The following GMCL1 variants were observed in gnomAD, a reference collection of about 807,000 sequenced individuals.
GMCL1 encodes the protein germ cell-less protein-like 1.
GMCL1 carries 54 observed loss-of-function variants against 75.5 expected under a neutral mutation model. The observed-to-expected ratio is 0.71, with a 90% CI of 0.57 to 0.90. The LOEUF is 0.90. GMCL1 is among the 40% of genes least tolerant of loss of function. The pLI is 0.00. For missense variants in GMCL1, 537 were observed against 622.7 expected (o/e 0.86, Z 1.47); for synonymous variants, 210 against 209.6 (o/e 1.00, Z -0.02).
chr2:69,838,336 CAAAAAAAAAAAAA>C (rs71397366), intron 2 of GMCL1, among the ~76,000 whole-genome samples: 1 of 31,536 alleles, frequency 3.2e-5, no homozygotes, highest in Non-Finnish European at 6.2e-5. Context: ...GACTCTGTCT[CAAAAAAAAAAAAA>C]AAAAAAAAAA....
chr2:69,861,238 A>C (rs200648518), intron 9 of GMCL1, 40 bp from the exon 10 acceptor site: 1 of 1,306,150 alleles, frequency 7.7e-7, no homozygotes, highest in Non-Finnish European at 1.1e-6. Flanking sequence ...TATGTTCTTC[A>C]GTCGTTATTT....
At chr2:69,855,181 T>C (rs985343663) in intron 9 of GMCL1, among the ~76,000 whole-genome samples, 7 of 152,134 alleles carry the variant, frequency 4.6e-5, no homozygotes, top group African/African-American at 1.7e-4. Context: ...CTAGAATATT[T>C]AAATGATTAT....
At position 69,832,608 on chromosome 2, in the gene GMCL1, T is replaced by C. The variant is rs548531808; in HGVS notation, c.260+2456T>C. ...TTTGATAAATGTCTGAATGATATCT[T>C]ATTTTCCCTCCTTTCACTTTTTACC... is the stretch of plus-strand genomic sequence containing the variant. On this transcript the variant is annotated intron_variant, in intron 1 of 13. Coordinates refer to ENST00000282570, the MANE Select transcript of GMCL1 (RefSeq NM_178439.5). Among the ~76,000 whole-genome samples, 8 of 152,374 alleles carry C rather than the reference T, an allele frequency of 5.3e-5. No homozygotes were observed. The South Asian group carries it at 1.7e-3, about 32-fold the overall frequency.
Position 69,829,849 on chromosome 2 carries a change from A to G in GMCL1, c.-44A>G. The G allele has an allele frequency of 6.7e-7, 1 of 1,499,166 alleles. No homozygotes were observed. The allele number at this position is 1,499,166 out of a possible 1,614,324, so 92.9% of individuals were successfully genotyped here. A position where few individuals can be genotyped will look rare whatever the true frequency, so the allele number is the denominator to read the frequency against. On this transcript the variant is annotated 5_prime_UTR_variant, in exon 1 of 14. Transcript: ENST00000282570. Reference sequence around the variant, plus strand: ...GGCGGCGGCCGAGCCATGGCGGGAGACCCCCTTCTCTGGGCTCCCTGAAGT... The same window carrying G: ...GGCGGCGGCCGAGCCATGGCGGGAGGCCCCCTTCTCTGGGCTCCCTGAAGT...
In GMCL1 at chr2:69,849,692, T is replaced by G. The variant is rs1161747962; in HGVS notation, c.884T>G (p.Leu295Ter). Residue 295 changes from leucine to a stop codon, truncating the protein, a stop_gained, in exon 8 of 14, where the codon TTA becomes TGA. Transcript: ENST00000282570. LOFTEE classifies it high-confidence loss of function. The stretch of plus-strand genomic sequence containing the variant: ...CTTGTGCCTTCTTGGAATGGATCTT[T>G]AAAACAGCTTTTGACAGAAACAGAT... The part of the protein sequence containing the change: ...LQLVPSWNGS[L>*]KQLLTETDVW... 6.3e-7 allele frequency: 1 copy of G among 1,594,584 alleles called. No homozygotes were observed. Among genetic ancestry groups the G allele is most frequent in the South Asian group, 1.2e-5 (1 of 85,324 alleles).
At chr2:69,849,826 T>C in intron 8 of GMCL1, 84 bp downstream of exon 8, 3 of 707,428 alleles carry the variant, frequency 4.2e-6, no homozygotes, top group Non-Finnish European at 6.7e-6. Flanking sequence ...ATAAATAAAT[T>C]AATTAATTAA....
intron 8 of GMCL1, among the ~76,000 whole-genome samples, chr2:69,854,362 A>C (rs2103995488): frequency 6.6e-6 from 1 of 152,286 alleles, no homozygotes; most frequent in South Asian, 2.1e-4. Context: ...TTAATATATT[A>C]ACTAGTGTTC....
intron 8 of GMCL1, among the ~76,000 whole-genome samples, chr2:69,853,067 G>A (rs1489200252): frequency 6.6e-6 from 1 of 152,174 alleles, no homozygotes; most frequent in African/African-American, 2.4e-5. Context: ...AAATGAGCCA[G>A]TCTCTTCTAC....
chr2:69,852,951 C>T (rs1675361331), intron 8 of GMCL1, among the ~76,000 whole-genome samples: 1 of 152,326 alleles, frequency 6.6e-6, no homozygotes, highest in Middle Eastern at 3.4e-3. Context: ...CACAATTATA[C>T]TTAAGGATTG....
At chr2:69,863,006 T>C (rs1159665866) in intron 10 of GMCL1, among the ~76,000 whole-genome samples, 4 of 152,216 alleles carry the variant, frequency 2.6e-5, no homozygotes, top group East Asian at 3.8e-4. Context: ...CATGTCCTTA[T>C]TGAGGTAATA....
chr2:69,844,728 A>G (rs767853626), intron 6 of GMCL1: 23 of 179,804 alleles, frequency 1.3e-4, no homozygotes, highest in Admixed American at 2.6e-4. Context: ...CTGAGGCAGG[A>G]GGATTGCTTA....
chr2:69,830,169 A>AC lies in GMCL1; in HGVS notation c.260+20dup, dbSNP rs1206819912. 6.5e-7 allele frequency: 1 copy of AC among 1,546,242 alleles called. No individual in the cohort carries two copies. The highest frequency in any genetic ancestry group is 1.4e-5 in the African/African-American group (1 of 72,954). Reference sequence around the variant, plus strand: ...CCCTCGAAGGTACGTGGGGGCACGCACCCGCGCGGACCCGGACCCGCACCT... The same window carrying AC: ...CCCTCGAAGGTACGTGGGGGCACGCACCCCGCGCGGACCCGGACCCGCACCT... On this transcript the variant is annotated intron_variant, in intron 1 of 13. Transcript: ENST00000282570.
At chr2:69,869,887 C>G (rs372212180) in intron 12 of GMCL1, 23 bp downstream of exon 12, 6 of 1,600,600 alleles carry the variant, frequency 3.7e-6, no homozygotes, top group South Asian at 1.1e-5. Context: ...TTCCCCACCC[C>G]ACTCCTCCTC....
chr2:69,878,010 T>C (rs537589724), intron 13 of GMCL1, among the ~76,000 whole-genome samples: 1 of 152,370 alleles, frequency 6.6e-6, no homozygotes, highest in Non-Finnish European at 1.5e-5. Flanking sequence ...TTAGTGTTTC[T>C]TCTTTTACTC....
Position 69,847,625 on chromosome 2 carries a change from A to C in GMCL1, c.841A>C (p.Lys281Gln), listed in dbSNP as rs138771201. The C allele has an allele frequency of 7.9e-4, 1,262 of 1,588,580 alleles. 3 individuals carry two copies. The highest frequency in any genetic ancestry group is 7.5e-4 in the Non-Finnish European group (863 of 1,157,568). Residue 281 changes from lysine to glutamine, a missense_variant and splice_region_variant, in exon 7 of 14, where the codon AAG (lysine) becomes CAG (glutamine). Lys to Gln is a moderately conservative substitution (Grantham distance 53). Coordinates refer to ENST00000282570, the MANE Select transcript of GMCL1 (RefSeq NM_178439.5). ...GATGGATATATACACTGCTCTAAAA[A>C]AGGTACTGACGTAATATGATGTCAT... ...VEMDIYTALK[K>Q]WMFLQLVPSW...
chr2:69,844,874 C>A, intron 6 of GMCL1: 1 of 377,406 alleles, frequency 2.6e-6, no homozygotes, highest in South Asian at 2.0e-5. Flanking sequence ...CAAGGTATTC[C>A]CACTCCTGAT....
rs1207185024 is a variant in GMCL1 at position 69,879,135 on chromosome 2, A to G, written c.*131A>G. On this transcript the variant is annotated 3_prime_UTR_variant, in exon 14 of 14. Coordinates refer to ENST00000282570, the MANE Select transcript of GMCL1 (RefSeq NM_178439.5). ...ATATTCACATCGAAGGTGACTAACAATGACAAAGGCCTTATGAACTGTACA... is the reference window on the plus strand; with the variant it reads ...ATATTCACATCGAAGGTGACTAACAGTGACAAAGGCCTTATGAACTGTACA... 4 of 626,650 alleles carry G rather than the reference A, an allele frequency of 6.4e-6. No individual in the cohort carries two copies. The highest frequency in any genetic ancestry group is 1.1e-5 in the Non-Finnish European group (4 of 348,748). The allele number at this position is 626,650 out of a possible 1,614,324, so 38.8% of individuals were successfully genotyped here.
chr2:69,842,150 G>A (rs1675007121), intron 4 of GMCL1, among the ~76,000 whole-genome samples: 1 of 152,158 alleles, frequency 6.6e-6, no homozygotes, highest in African/African-American at 2.4e-5. Flanking sequence ...GGAAAGTAGG[G>A]TAGTAGCAAT....
At chr2:69,844,264 A>T in intron 6 of GMCL1, 68 bp downstream of exon 6, 1 of 916,576 alleles carries the variant, frequency 1.1e-6, no homozygotes, top group Non-Finnish European at 1.7e-6. Flanking sequence ...GTTAAAGTAC[A>T]TAACATTTTT....
Sources: allele counts gnomAD v4.1 joint callset (sites outside exome capture counted in the v4.1 genomes callset), GRCh38; gene constraint gnomAD v4.1.1; transcripts MANE v1.5; gene names NCBI Gene and HGNC (gene_info 2026-07-23, HGNC 2026-07-21).